Variants in NFIA observed in about 807,000 individuals in gnomAD.
NFIA encodes nuclear factor I A.
NFIA carries 8 observed loss-of-function variants against 62.8 expected under a neutral mutation model. That is an observed-to-expected ratio of 0.13 (90% CI 0.07 to 0.23). NFIA has a LOEUF of 0.23. Ranked by LOEUF, NFIA falls within the 10% of genes least tolerant of loss-of-function variation. NFIA has a pLI of 1.00. For missense variants in NFIA, 410 were observed against 642.1 expected (o/e 0.64, Z 3.91); for synonymous variants, 235 against 238.1 (o/e 0.99, Z 0.12).
chr1:61,127,815 T>G (rs564413271), intron 2 of NFIA, among the ~76,000 whole-genome samples: 1 of 152,316 alleles, frequency 6.6e-6, no homozygotes, highest in South Asian at 2.1e-4. Flanking sequence ...CTTTTCTTTG[T>G]TTTAGATTAT....
intron 3 of NFIA, among the ~76,000 whole-genome samples, chr1:61,292,461 A>T (rs977135842): frequency 6.6e-6 from 1 of 152,220 alleles, no homozygotes; most frequent in African/African-American, 2.4e-5. Flanking sequence ...TTATTAATAT[A>T]TAATCCCTGT....
chr1:61,160,194 C>G lies in NFIA; in HGVS notation c.559+71514C>G, dbSNP rs536769247. Among the ~76,000 whole-genome samples the G allele has an allele frequency of 2.1e-3, 316 of 152,236 alleles. 2 individuals are homozygous for G. Among genetic ancestry groups the G allele is most frequent in the Middle Eastern group, 0.01 (3 of 294 alleles). The stretch of plus-strand genomic sequence containing the variant: ...TGGCCAAATCATCTCCCCTGGTCCC[C>G]TGTTGCGTCATCTTTAAAATAAGGG... On this transcript the variant is annotated intron_variant, in intron 2 of 10. Coordinates refer to ENST00000403491, the MANE Select transcript of NFIA (RefSeq NM_001134673.4).
intron 2 of NFIA, among the ~76,000 whole-genome samples, chr1:61,241,116 A>C: frequency 6.6e-6 from 1 of 151,972 alleles, no homozygotes; most frequent in South Asian, 2.1e-4. Context: ...AAATATTGTG[A>C]TCGTTTTCTA....
At chr1:61,107,261 A>G (rs1232281758) in intron 2 of NFIA, among the ~76,000 whole-genome samples, 1 of 151,648 alleles carries the variant, frequency 6.6e-6, no homozygotes, top group Non-Finnish European at 1.5e-5. Context: ...TATCTTACTA[A>G]CAAGTTATGC....
intron 7 of NFIA, among the ~76,000 whole-genome samples, chr1:61,384,053 A>G (rs1345057826): frequency 6.6e-6 from 1 of 152,246 alleles, no homozygotes; most frequent in African/African-American, 2.4e-5. Flanking sequence ...AATGTCAGCA[A>G]ATCACTTAAC....
intron 3 of NFIA, among the ~76,000 whole-genome samples, chr1:61,329,049 CTTTTTTTTTTTTT>C: frequency 8.2e-6 from 1 of 122,458 alleles, no homozygotes; most frequent in African/African-American, 3.0e-5. Context: ...TTCTTTTTTT[CTTTTTTTTTTTTT>C]TTTGAGATGG....
chr1:61,438,750 GA>G (rs914929495), intron 10 of NFIA, among the ~76,000 whole-genome samples: 39 of 150,426 alleles, frequency 2.6e-4, no homozygotes, highest in Middle Eastern at 3.4e-3. Context: ...GAGAGGGAAG[GA>G]AAAAAAAATC....
chr1:61,257,906 A>AG (rs1171143726), intron 2 of NFIA, among the ~76,000 whole-genome samples: 47 of 127,994 alleles, frequency 3.7e-4, no homozygotes, highest in Non-Finnish European at 6.8e-4. Flanking sequence ...TTCCTGAGAC[A>AG]GGGTTTTGCT....
chr1:61,159,485 C>T (rs1040734950), intron 2 of NFIA, among the ~76,000 whole-genome samples: 2 of 152,128 alleles, frequency 1.3e-5, no homozygotes, highest in Admixed American at 6.5e-5. Context: ...CTCGCTGAGA[C>T]ATCCCTGCTG....
chr1:61,442,408 G>T (rs1667626270), intron 10 of NFIA, among the ~76,000 whole-genome samples: 1 of 152,098 alleles, frequency 6.6e-6, no homozygotes, highest in South Asian at 2.1e-4. Context: ...ACATGAACAA[G>T]TATAAAACAC....
chr1:61,254,792 T>C (rs1159357010), intron 2 of NFIA, among the ~76,000 whole-genome samples: 1 of 152,224 alleles, frequency 6.6e-6, no homozygotes, highest in African/African-American at 2.4e-5. Context: ...GGACACACCC[T>C]TCCTCTGCTA....
intron 6 of NFIA, among the ~76,000 whole-genome samples, chr1:61,367,051 A>C (rs1318703958): frequency 6.6e-6 from 1 of 152,262 alleles, no homozygotes; most frequent in East Asian, 1.9e-4. Context: ...CTGGTCAGTC[A>C]GCGACCCAGG....
intron 3 of NFIA, among the ~76,000 whole-genome samples, chr1:61,290,698 T>A (rs1658823245): frequency 6.6e-6 from 1 of 152,252 alleles, no homozygotes. Flanking sequence ...GCAGAACGTC[T>A]ATGTCCTTTC....
chr1:61,244,630 A>G (rs1655534871), intron 2 of NFIA, among the ~76,000 whole-genome samples: 2 of 152,220 alleles, frequency 1.3e-5, no homozygotes, highest in Admixed American at 1.3e-4. Context: ...CATTCTCAGA[A>G]GAGTATTATT....
intron 2 of NFIA, among the ~76,000 whole-genome samples, chr1:61,184,042 T>C (rs1570332232): frequency 6.9e-6 from 1 of 145,530 alleles, no homozygotes; most frequent in Admixed American, 7.1e-5. Flanking sequence ...TATGCCGAAC[T>C]GTGAAATTGA....
intron 2 of NFIA, among the ~76,000 whole-genome samples, chr1:61,100,974 G>A (rs553214939): frequency 8.6e-5 from 13 of 151,416 alleles, no homozygotes; most frequent in Admixed American, 4.6e-4. Flanking sequence ...GGTATATGTC[G>A]AGGAATTCTA....
At chr1:61,344,251 G>A (rs1049455953) in intron 4 of NFIA, among the ~76,000 whole-genome samples, 5 of 152,140 alleles carry the variant, frequency 3.3e-5, no homozygotes, top group Admixed American at 1.3e-4. Context: ...ATAGAAAGAA[G>A]AACAAGTATT....
intron 1 of NFIA, among the ~76,000 whole-genome samples, chr1:61,083,700 CAG>C (rs1646163455): frequency 2.6e-5 from 4 of 151,580 alleles, no homozygotes; most frequent in African/African-American, 9.6e-5. Context: ...TAGCGCCGGG[CAG>C]AGTTGGGCTC....
At chr1:61,077,481 C>A, upstream of NFIA, 2 of 709,238 alleles carry the variant, frequency 2.8e-6, no homozygotes, top group Non-Finnish European at 4.1e-6. Flanking sequence ...TGCAATTGGC[C>A]AACAGCTTTT....
Sources: gnomAD v4.1 joint callset for allele counts (sites outside exome capture counted in the v4.1 genomes callset) on GRCh38, gnomAD v4.1.1 for gene constraint, MANE v1.5 for transcripts, NCBI Gene and HGNC (gene_info 2026-07-23, HGNC 2026-07-21) for gene names.